The following GON4L variants were observed in gnomAD, a reference collection of about 807,000 sequenced individuals.
GON4L encodes GON-4-like protein.
In GON4L, 87 loss-of-function variants were observed where a neutral mutation model predicts 211.8. That is an observed-to-expected ratio of 0.41 (90% CI 0.35 to 0.49). The LOEUF (loss-of-function observed/expected upper bound fraction) is 0.49. GON4L is among the 20% of genes least tolerant of loss of function. GON4L has a pLI of 0.15. For missense variants in GON4L, 2,155 were observed against 2,659.5 expected (o/e 0.81, Z 4.17); for synonymous variants, 875 against 962.6 (o/e 0.91, Z 1.68).
chr1:155,784,138 T>C, intron 13 of GON4L, 49 bp from the exon 14 acceptor site: 5 of 1,606,066 alleles, frequency 3.1e-6, no homozygotes, highest in Non-Finnish European at 4.3e-6. Context: ...GGCCTCTGAA[T>C]GTTGCTCCAG....
At chr1:155,814,072 A>C (rs1668023123) in intron 9 of GON4L, among the ~76,000 whole-genome samples, 1 of 152,212 alleles carries the variant, frequency 6.6e-6, no homozygotes, top group Admixed American at 6.6e-5. Context: ...CAATATTAAA[A>C]AGCACAGATA....
At chr1:155,756,910 C>T (rs774270351) in intron 27 of GON4L, 48 bp downstream of exon 27, 1 of 1,455,814 alleles carries the variant, frequency 6.9e-7, no homozygotes, top group South Asian at 1.1e-5. Flanking sequence ...GTTTGGGTGA[C>T]AGAGCGAGAT....
chr1:155,818,291 T>C (rs1364210778), intron 6 of GON4L, among the ~76,000 whole-genome samples: 1 of 152,238 alleles, frequency 6.6e-6, no homozygotes, highest in Non-Finnish European at 1.5e-5. Flanking sequence ...GTTGTATTTT[T>C]AGTAGAGACG....
chr1:155,822,518 T>C (rs759929630), intron 3 of GON4L, 42 bp from the exon 4 acceptor site: 3 of 1,487,960 alleles, frequency 2.0e-6, no homozygotes, highest in Non-Finnish European at 1.9e-6. Flanking sequence ...CCAAAATAGC[T>C]GCTCCAGGAA....
intron 10 of GON4L, among the ~76,000 whole-genome samples, chr1:155,808,465 A>C (rs914861194): frequency 1.3e-5 from 2 of 151,956 alleles, no homozygotes; most frequent in African/African-American, 2.4e-5. Flanking sequence ...CCCTTCATGT[A>C]GTTTCTGTTC....
At chr1:155,799,731 A>C (rs1666448413) in intron 11 of GON4L, among the ~76,000 whole-genome samples, 1 of 152,226 alleles carries the variant, frequency 6.6e-6, no homozygotes, top group Non-Finnish European at 1.5e-5. Flanking sequence ...TATGAGAAAC[A>C]AAATCCTGAA....
chr1:155,746,239 C>T, downstream of GON4L: 1 of 1,418,294 alleles, frequency 7.1e-7, no homozygotes, highest in Non-Finnish European at 9.7e-7. Flanking sequence ...CTTTACCGAG[C>T]TCCAGGACCG....
intron 25 of GON4L, 78 bp from the exon 26 acceptor site, chr1:155,757,401 TC>T: frequency 7.9e-7 from 1 of 1,261,494 alleles, no homozygotes; most frequent in Non-Finnish European, 1.1e-6. Flanking sequence ...CCCACATACT[TC>T]CATGTTCTGC....
At position 155,752,031 on chromosome 1, in the gene GON4L, G is replaced by A. The variant is rs758761456; in HGVS notation, c.6402C>T (p.Ala2134=). The stretch of plus-strand genomic sequence containing the variant: ...TGTTGGCACACACCGTAGCTTCTGC[G>A]GCCTTTGGCTGCTGCTCCCCCTCTG... ...KGPEGEQQPK[A]AEATVCANNS... Residue 2134 remains alanine (A), a synonymous_variant, in exon 30 of 32, where the codon GCC becomes GCT. Transcript: ENST00000368331. 28 of 1,613,608 alleles carry A rather than the reference G, an allele frequency of 1.7e-5. No individual in the cohort carries two copies. In the South Asian group the frequency reaches 2.1e-4, roughly 12 times the overall value.
At chr1:155,788,365 G>A (rs561946851) in intron 12 of GON4L, among the ~76,000 whole-genome samples, 16 of 152,268 alleles carry the variant, frequency 1.1e-4, no homozygotes, top group Middle Eastern at 3.4e-3. Context: ...ATGTAAAATG[G>A]AAAGCCACTT....
In GON4L at chr1:155,771,096, T is replaced by C. The variant is rs1663149698; in HGVS notation, c.2617A>G (p.Met873Val). ...QLTVRIKNLN[M>V]NRAPDNIIKF... is the part of the protein sequence containing the mutation. Reference sequence around the variant, plus strand: ...ATGATGTTGTCAGGAGCTCTGTTCATGTTGAGGTTCTTGATTCTCACTGTC... The same window carrying C: ...ATGATGTTGTCAGGAGCTCTGTTCACGTTGAGGTTCTTGATTCTCACTGTC... Residue 873 changes from methionine (M) to valine (V), a missense_variant, in exon 19 of 32, where the codon ATG becomes GTG. Coordinates refer to ENST00000368331, the MANE Select transcript of GON4L (RefSeq NM_001282860.2). 2 of 1,614,090 alleles carry C rather than the reference T, an allele frequency of 1.2e-6. No homozygotes were observed. The highest frequency in any genetic ancestry group is 1.7e-6 in the Non-Finnish European group (2 of 1,180,030).
intron 2 of GON4L, among the ~76,000 whole-genome samples, chr1:155,834,819 C>A (rs182568322): frequency 6.6e-6 from 1 of 152,048 alleles, no homozygotes; most frequent in South Asian, 2.1e-4. Context: ...ATTAAAAATC[C>A]GCCCCTTCGC....
At chr1:155,836,324 A>T (rs1180233641) in intron 2 of GON4L, among the ~76,000 whole-genome samples, 1 of 144,620 alleles carries the variant, frequency 6.9e-6, no homozygotes, top group African/African-American at 2.6e-5. Flanking sequence ...ATCTCGGCTC[A>T]CTGCAACCTC....
Position 155,775,296 on chromosome 1 carries a change from T to TA in GON4L, c.2179-124dup, listed in dbSNP as rs1233257922. 20 of 1,292,022 alleles carry TA rather than the reference T, an allele frequency of 1.5e-5. No individual in the cohort carries two copies. The East Asian group carries it at 4.7e-4, about 30-fold the overall frequency. 80.0% of individuals were successfully genotyped at this position (1,292,022 alleles called of 1,614,324 possible). A position where few individuals can be genotyped will look rare whatever the true frequency, so the allele number is the denominator to read the frequency against. The stretch of plus-strand genomic sequence containing the variant: ...GGATAAAAACAGGTAAAAATCATCA[T>TA]AAAGTCTTTCACAATAAACTACTCT... On this transcript the variant is annotated intron_variant, in intron 16 of 31. Transcript: ENST00000368331.
chr1:155,822,195 G>A (rs537595585), intron 4 of GON4L, 91 bp downstream of exon 4: 177 of 1,036,320 alleles, frequency 1.7e-4, no homozygotes, highest in Middle Eastern at 1.6e-3. Context: ...GGTAATTCAC[G>A]TATCAAGAGT....
intron 12 of GON4L, among the ~76,000 whole-genome samples, chr1:155,788,957 G>C (rs1271096639): frequency 2.6e-5 from 4 of 151,934 alleles, no homozygotes; most frequent in South Asian, 4.2e-4. Context: ...GGGCATGGTA[G>C]CAGGCACCTG....
intron 12 of GON4L, among the ~76,000 whole-genome samples, chr1:155,789,455 C>A (rs1349812471): frequency 7.9e-5 from 12 of 151,942 alleles, no homozygotes; most frequent in Middle Eastern, 3.4e-3. Flanking sequence ...GATGGTGAAA[C>A]CCCGTCTCTA....
At chr1:155,836,223 T>A (rs185043758) in intron 2 of GON4L, among the ~76,000 whole-genome samples, 2 of 149,088 alleles carry the variant, frequency 1.3e-5, no homozygotes, top group Admixed American at 1.4e-4. Context: ...TCCCCTTTGT[T>A]CCCCCTCAAT....
At chr1:155,846,830 G>A (rs917329167) in intron 2 of GON4L, among the ~76,000 whole-genome samples, 12 of 151,906 alleles carry the variant, frequency 7.9e-5, no homozygotes, top group Non-Finnish European at 1.6e-4. Context: ...GGCCAACATG[G>A]TGAAACCCCA....
Sources: gnomAD v4.1 joint callset for allele counts (sites outside exome capture counted in the v4.1 genomes callset) on GRCh38, gnomAD v4.1.1 for gene constraint, MANE v1.5 for transcripts, NCBI Gene and HGNC (gene_info 2026-07-23, HGNC 2026-07-21) for gene names.